SPATA13: variants seen among roughly 807,000 people sequenced by gnomAD.
SPATA13 encodes the protein spermatogenesis-associated protein 13.
SPATA13 carries 50 observed loss-of-function variants against 104.0 expected under a neutral mutation model. The ratio of observed to expected loss-of-function variants is 0.48; its 90% CI spans 0.38 to 0.61. The LOEUF is 0.61. Among genes scored for constraint, SPATA13 ranks in the 20% least tolerant of loss-of-function variants. SPATA13 has a pLI of 0.00. For synonymous variants in SPATA13, 606 were observed against 667.5 expected (o/e 0.91, Z 1.42); for missense variants, 1,524 against 1,690.6 (o/e 0.90, Z 1.73).
chr13:24,217,784 T>C (rs1026624485), intron 1 of SPATA13, among the ~76,000 whole-genome samples: 15 of 152,094 alleles, frequency 9.9e-5, no homozygotes, highest in Non-Finnish European at 2.9e-5. Flanking sequence ...ACCTCGGACC[T>C]GGGAGGGAGG....
At chr13:24,264,324 C>T (rs1238488668) in intron 4 of SPATA13, among the ~76,000 whole-genome samples, 1 of 152,010 alleles carries the variant, frequency 6.6e-6, no homozygotes, top group African/African-American at 2.4e-5. Context: ...GAGAGCAAGA[C>T]AGCTAAATGT....
chr13:24,033,882 C>CT (rs1877577830), intron 3 of SPATA13: 1 of 152,108 alleles, frequency 6.6e-6, no homozygotes, highest in African/African-American at 2.4e-5. Flanking sequence ...GCTTATTTGG[C>CT]TTTTATCATG....
At chr13:24,248,066 A>G (rs1451104431) in intron 2 of SPATA13, among the ~76,000 whole-genome samples, 1 of 152,030 alleles carries the variant, frequency 6.6e-6, no homozygotes, top group Non-Finnish European at 1.5e-5. Flanking sequence ...TTATATCTGT[A>G]GGTAAGGTTC....
intron 4 of SPATA13, among the ~76,000 whole-genome samples, chr13:24,279,932 G>A (rs924183581): frequency 1.3e-5 from 2 of 152,214 alleles, no homozygotes; most frequent in Non-Finnish European, 2.9e-5. Context: ...CCGCAGTGTC[G>A]CTAACTACTA....
chr13:24,189,953 T>TTACGTAATATATTA (rs1566140846), intron 1 of SPATA13, among the ~76,000 whole-genome samples: 639 of 18,080 alleles, frequency 0.035, 75 homozygotes, highest in Non-Finnish European at 0.093. Flanking sequence ...ACATAATATA[T>TTACGTAATATATTA]TATATAATTA....
At chr13:24,192,526 ACCT>A (rs1368544773) in intron 1 of SPATA13, among the ~76,000 whole-genome samples, 1 of 151,826 alleles carries the variant, frequency 6.6e-6, no homozygotes, top group African/African-American at 2.4e-5. Context: ...CTCACCTATC[ACCT>A]CATCTGCACT....
intron 3 of SPATA13, among the ~76,000 whole-genome samples, chr13:24,103,504 A>AAAAAAAAG (rs1458068316): frequency 0.19 from 21,684 of 113,080 alleles, 2,828 homozygotes; most frequent in Non-Finnish European, 0.24. Flanking sequence ...AAAAAAAAAC[A>AAAAAAAAG]AGAAAGAAAA....
At chr13:24,293,022 A>AAAGGGG (rs35053977) in intron 9 of SPATA13, among the ~76,000 whole-genome samples, 1 of 134,918 alleles carries the variant, frequency 7.4e-6, no homozygotes, top group African/African-American at 2.7e-5. Context: ...AAAAAAAAAA[A>AAAGGGG]GGCGAGGGTG....
At chr13:24,216,148 C>T (rs1221525983) in intron 1 of SPATA13, among the ~76,000 whole-genome samples, 5 of 152,074 alleles carry the variant, frequency 3.3e-5, no homozygotes, top group South Asian at 2.1e-4. Context: ...AGGTTGGGGA[C>T]GCAGGCAGGG....
intron 7 of SPATA13, among the ~76,000 whole-genome samples, chr13:24,287,664 T>A (rs973390454): frequency 6.6e-6 from 1 of 152,188 alleles, no homozygotes; most frequent in African/African-American, 2.4e-5. Context: ...TGGGAAAAAA[T>A]GCTGGTTTTA....
intron 3 of SPATA13, among the ~76,000 whole-genome samples, chr13:24,082,472 G>C (rs1879554783): frequency 6.6e-6 from 1 of 152,222 alleles, no homozygotes; most frequent in African/African-American, 2.4e-5. Context: ...GTCCACCACA[G>C]TGGGATACAC....
At chr13:23,995,375 A>G (rs905707191) in intron 2 of SPATA13, among the ~76,000 whole-genome samples, 1 of 152,188 alleles carries the variant, frequency 6.6e-6, no homozygotes, top group Non-Finnish European at 1.5e-5. Flanking sequence ...CATTAACATC[A>G]ATATCACTGG....
At chr13:24,200,234 G>C (rs932323143) in intron 1 of SPATA13, among the ~76,000 whole-genome samples, 8 of 152,154 alleles carry the variant, frequency 5.3e-5, no homozygotes, top group African/African-American at 1.9e-4. Context: ...TCAGGGATGT[G>C]GCACTCCTGG....
At chr13:23,996,931 A>G (rs2765162) in intron 2 of SPATA13, among the ~76,000 whole-genome samples, 117,789 of 152,088 alleles carry the variant, frequency 0.77, 45,766 homozygotes, top group African/African-American at 0.8. Flanking sequence ...CTCTCAGATC[A>G]TCTTGGAGGC....
In SPATA13 at chr13:24,225,559, T is replaced by C. The variant is rs887910475; in HGVS notation, c.1653+977T>C. Reference sequence around the variant, plus strand: ...AAGCAGGGGGGCTTGTTTCTGGGAGTATGTTTCACCCCATTTGTGTTATAT... The same window carrying C: ...AAGCAGGGGGGCTTGTTTCTGGGAGCATGTTTCACCCCATTTGTGTTATAT... On this transcript the variant is annotated intron_variant, in intron 2 of 12. Coordinates refer to ENST00000382108, the MANE Select transcript of SPATA13 (RefSeq NM_001166271.3). Among the ~76,000 whole-genome samples the C allele has an allele frequency of 6.6e-5, 10 of 152,166 alleles. No homozygotes were observed. In the South Asian group the frequency reaches 2.1e-3, roughly 32 times the overall value.
At chr13:24,026,066 T>A (rs4638422) in intron 3 of SPATA13, among the ~76,000 whole-genome samples, 1 of 151,912 alleles carries the variant, frequency 6.6e-6, no homozygotes, top group Non-Finnish European at 1.5e-5. Context: ...GCCTTCTAAA[T>A]ACCTTTTCTT....
At chr13:24,175,056 T>G (rs941329877) in intron 1 of SPATA13, among the ~76,000 whole-genome samples, 1 of 152,184 alleles carries the variant, frequency 6.6e-6, no homozygotes, top group African/African-American at 2.4e-5. Flanking sequence ...TTGTTGAGGT[T>G]TGTATGGCCC....
At chr13:24,120,836 G>T (rs1881008946) in intron 3 of SPATA13, among the ~76,000 whole-genome samples, 1 of 152,170 alleles carries the variant, frequency 6.6e-6, no homozygotes, top group African/African-American at 2.4e-5. Context: ...AAGAAATGGG[G>T]CTAAACATGG....
intron 1 of SPATA13, among the ~76,000 whole-genome samples, chr13:24,168,769 T>A (rs991140220): frequency 4.6e-5 from 7 of 152,202 alleles, no homozygotes; most frequent in African/African-American, 1.7e-4. Context: ...AGGGCATATA[T>A]TAATATCTGC....
Sources: gnomAD v4.1 joint callset for allele counts (sites outside exome capture counted in the v4.1 genomes callset) on GRCh38, gnomAD v4.1.1 for gene constraint, MANE v1.5 for transcripts, NCBI Gene and HGNC (gene_info 2026-07-23, HGNC 2026-07-21) for gene names.